The following POTEJ variants were observed in gnomAD, a reference collection of about 807,000 sequenced individuals.
The protein encoded by POTEJ is POTE ankyrin domain family member J.
POTEJ carries 11 observed loss-of-function variants against 69.0 expected under a neutral mutation model. The observed-to-expected ratio is 0.16, with a 90% CI of 0.10 to 0.26. POTEJ has a LOEUF of 0.26. POTEJ is among the 10% of genes least tolerant of loss of function. The pLI is 1.00. For missense variants in POTEJ, 327 were observed against 1,045.5 expected (o/e 0.31, Z 9.48); for synonymous variants, 117 against 381.1 (o/e 0.31, Z 8.07).
intron 5 of POTEJ, among the ~76,000 whole-genome samples, chr2:130,622,611 C>G (rs1449082275): frequency 7.2e-6 from 1 of 138,650 alleles, no homozygotes; most frequent in Non-Finnish European, 1.6e-5. Context: ...TTCCCCTGAG[C>G]AGTGGCTCCC....
At chr2:130,648,706 G>T (rs1686684761) in intron 13 of POTEJ, among the ~76,000 whole-genome samples, 1 of 134,856 alleles carries the variant, frequency 7.4e-6, no homozygotes, top group South Asian at 2.3e-4. Flanking sequence ...GGTCTGTTTT[G>T]CTTGCTGCTC....
intron 1 of POTEJ, among the ~76,000 whole-genome samples, chr2:130,614,518 C>G (rs1685359819): frequency 6.7e-6 from 1 of 149,380 alleles, no homozygotes; most frequent in Admixed American, 6.6e-5. Flanking sequence ...TGTCGACGTG[C>G]AAAGATGTAC....
chr2:130,621,409 T>TATCTTTA (rs1444523454), intron 4 of POTEJ, 57 bp from the exon 5 acceptor site: 1 of 1,404,890 alleles, frequency 7.1e-7, no homozygotes, highest in African/African-American at 1.5e-5. Context: ...ATTGGTAAAG[T>TATCTTTA]ATATCAAATT....
intron 13 of POTEJ, among the ~76,000 whole-genome samples, chr2:130,652,025 T>C (rs1426384501): frequency 1.5e-5 from 2 of 137,586 alleles, no homozygotes; most frequent in East Asian, 2.0e-4. Context: ...TCATGTCAAA[T>C]TGTAATTCCC....
chr2:130,640,625 G>C (rs539543395), intron 10 of POTEJ, among the ~76,000 whole-genome samples: 4 of 151,868 alleles, frequency 2.6e-5, no homozygotes, highest in African/African-American at 7.3e-5. Context: ...ACACAACATC[G>C]CAAGGGCTGC....
chr2:130,624,942 C>T (rs1166942945), intron 6 of POTEJ, among the ~76,000 whole-genome samples: 1 of 152,046 alleles, frequency 6.6e-6, no homozygotes, highest in Admixed American at 6.5e-5. Context: ...CTACCATTTG[C>T]CAAAAGATTG....
chr2:130,648,384 TCA>T (rs1289458966), intron 13 of POTEJ, among the ~76,000 whole-genome samples: 9 of 140,824 alleles, frequency 6.4e-5, no homozygotes, highest in Non-Finnish European at 1.1e-4. Context: ...TACATCATTC[TCA>T]GTCATGAGCG....
chr2:130,641,337 A>G (rs148473682), intron 10 of POTEJ, among the ~76,000 whole-genome samples: 9,161 of 151,144 alleles, frequency 0.061, 131 homozygotes, highest in African/African-American at 0.21. Context: ...GGTGAAATAA[A>G]TAATGTTAGA....
chr2:130,640,994 G>T (rs1242407583), intron 10 of POTEJ, among the ~76,000 whole-genome samples: 5 of 151,846 alleles, frequency 3.3e-5, no homozygotes, highest in African/African-American at 1.2e-4. Flanking sequence ...GGGTTAGCAG[G>T]CTTTTTCTTT....
rs374956190 is a variant in POTEJ, at chr2:130,640,961, G to A, written c.1369+2272G>A. On this transcript the variant is annotated intron_variant, in intron 10 of 14. Transcript: ENST00000409602. ...CACAAGATTAAATTTGAGTATTAAG[G>A]CGTTCTGGTTATGGTGTAAAATGGG... Among the ~76,000 whole-genome samples, 260 of 152,072 alleles carry A rather than the reference G, an allele frequency of 1.7e-3. No homozygotes were observed. In the East Asian group the frequency reaches 0.037, roughly 22 times the overall value.
chr2:130,624,389 T>C lies in POTEJ; in HGVS notation c.1015+255T>C, dbSNP rs569160411. ...AACTAATTTTTCTGCAACTGGATGG[T>C]CTCATCTGGGGGCAAAGTGAGACAG... On this transcript the variant is annotated intron_variant, in intron 6 of 14. Coordinates refer to ENST00000409602, the MANE Select transcript of POTEJ (RefSeq NM_001277083.2). Among the ~76,000 whole-genome samples, 49 of 142,432 alleles carry C rather than the reference T, an allele frequency of 3.4e-4. No individual in the cohort carries two copies. The East Asian group carries it at 4.5e-3, about 13-fold the overall frequency. The allele number at this position is 142,432 out of a possible 152,430, so 93.4% of individuals were successfully genotyped here. A position where few individuals can be genotyped will look rare whatever the true frequency, so the allele number is the denominator to read the frequency against.
rs2105188829 is a variant in POTEJ at position 130,611,529 on chromosome 2, G to C, written c.-4G>C. ...TACCGGCCTCCCCAGGCTGTTAAAA[G>C]CAGATGGTAGCTGAGGTTGATTCAA... On this transcript the variant is annotated 5_prime_UTR_variant, in exon 1 of 15. Transcript: ENST00000409602. 1.2e-6 allele frequency: 1 copy of C among 810,460 alleles called. No individual in the cohort carries two copies. Among genetic ancestry groups the C allele is most frequent in the South Asian group, 1.4e-5 (1 of 71,230 alleles). The allele number at this position is 810,460 out of a possible 1,614,324, so 50.2% of individuals were successfully genotyped here.
At chr2:130,632,128 C>G (rs1320324350) in intron 8 of POTEJ, among the ~76,000 whole-genome samples, 3 of 150,446 alleles carry the variant, frequency 2.0e-5, no homozygotes, top group African/African-American at 7.5e-5. Context: ...CATTTTGCAT[C>G]TTTGTCTTTT....
chr2:130,613,294 A>ATATACATATGTATATATACATATG (rs1685293591), intron 1 of POTEJ, among the ~76,000 whole-genome samples: 2 of 131,634 alleles, frequency 1.5e-5, no homozygotes, highest in Non-Finnish European at 3.2e-5. Context: ...ATATACATAT[A>ATATACATATGTATATATACATATG]TATACATATG....
chr2:130,657,012 A>C lies in POTEJ; in HGVS notation c.2252A>C (p.His751Pro). The C allele has an allele frequency of 1.9e-6, 3 of 1,583,002 alleles. No individual in the cohort carries two copies. Among genetic ancestry groups the C allele is most frequent in the Non-Finnish European group, 1.7e-6 (2 of 1,157,552 alleles). Residue 751 changes from histidine to proline, a missense_variant, in exon 15 of 15, where the codon CAC becomes CCC. By Grantham distance (77) the His-to-Pro change is moderately conservative. Coordinates refer to ENST00000409602, the MANE Select transcript of POTEJ (RefSeq NM_001277083.2). ...GATGACATGGAGAAGATCTGGCACC[A>C]CACCTTCTACAACGAGCTGCGTGTG... ...NWDDMEKIWH[H>P]TFYNELRVAP...
chr2:130,627,106 A>G (rs1255392189), intron 6 of POTEJ, among the ~76,000 whole-genome samples: 1 of 152,092 alleles, frequency 6.6e-6, no homozygotes, highest in Non-Finnish European at 1.5e-5. Context: ...GATGTGAGGA[A>G]GAAGGAGGAA....
chr2:130,637,137 G>C (rs1422073514), intron 9 of POTEJ, among the ~76,000 whole-genome samples: 2 of 147,268 alleles, frequency 1.4e-5, no homozygotes, highest in Non-Finnish European at 3.0e-5. Flanking sequence ...CCTGGTAATT[G>C]TCTGCATTTT....
intron 9 of POTEJ, 99 bp downstream of exon 9, chr2:130,632,755 T>G: frequency 7.8e-7 from 1 of 1,273,978 alleles, no homozygotes; most frequent in Non-Finnish European, 1.1e-6. Context: ...ATAGTTTTAC[T>G]AGGATATTCA....
At chr2:130,637,078 C>CAAAAA (rs771768758) in intron 9 of POTEJ, among the ~76,000 whole-genome samples, 1 of 104,252 alleles carries the variant, frequency 9.6e-6, no homozygotes, top group Non-Finnish European at 1.9e-5. Flanking sequence ...GACTCCGTCT[C>CAAAAA]AAAAAAAAAA....
Sources: allele counts gnomAD v4.1 joint callset (sites outside exome capture counted in the v4.1 genomes callset), GRCh38; gene constraint gnomAD v4.1.1; transcripts MANE v1.5; gene names NCBI Gene and HGNC (gene_info 2026-07-23, HGNC 2026-07-21).